SLC25A21: variants seen among roughly 807,000 people sequenced by gnomAD.
SLC25A21 encodes the protein mitochondrial 2-oxodicarboxylate carrier.
Under a neutral mutation model 43.8 loss-of-function variants are expected in SLC25A21, and 47 were observed. The observed-to-expected ratio is 1.07, with a 90% CI of 0.85 to 1.37. The LOEUF is 1.37. SLC25A21 is among the 40% of genes most tolerant of loss of function. The pLI, the probability that SLC25A21 is intolerant of heterozygous loss-of-function variation, is 0.00. For synonymous variants in SLC25A21, 131 were observed against 121.3 expected, an observed-to-expected ratio of 1.08 and a Z score of -0.52; for missense variants, 352 against 350.2, an observed-to-expected ratio of 1.00 and a Z score of -0.04.
chr14:37,130,696 C>T (rs1877792525), intron 1 of SLC25A21, among the ~76,000 whole-genome samples: 2 of 152,204 alleles, frequency 1.3e-5, no homozygotes, highest in South Asian at 4.1e-4. Context: ...GACTTACAGC[C>T]AGAGAAGATC....
At position 36,711,375 on chromosome 14, in the gene SLC25A21, G is replaced by T; in HGVS notation, c.546C>A (p.Phe182Leu). The part of the protein sequence containing the change: ...LTATLGRHGV[F>L]NMVYFGFYYN... Reference sequence around the variant, plus strand: ...AGTAGAAGCCAAAATAAACCATGTTGAAAACTCCATGTCGTCCCAAAGTTG... The same window carrying T: ...AGTAGAAGCCAAAATAAACCATGTTTAAAACTCCATGTCGTCCCAAAGTTG... The change falls in exon 7 of 10, where the codon TTC becomes TTA. Residue 182 changes from phenylalanine (F) to leucine (L), a missense_variant. Phe to Leu is a conservative substitution (Grantham distance 22). Transcript: ENST00000331299. 1 of 1,614,080 alleles carries T rather than the reference G, an allele frequency of 6.2e-7. No homozygotes were observed. Among genetic ancestry groups the T allele is most frequent in the South Asian group, 1.1e-5 (1 of 91,068 alleles).
intron 7 of SLC25A21, among the ~76,000 whole-genome samples, chr14:36,691,776 T>C (rs1390664751): frequency 6.6e-6 from 1 of 152,240 alleles, no homozygotes; most frequent in Non-Finnish European, 1.5e-5. Flanking sequence ...TTTTTAAATA[T>C]TTATTTATAA....
chr14:36,954,797 T>C (rs1050189019), intron 1 of SLC25A21, among the ~76,000 whole-genome samples: 5 of 152,140 alleles, frequency 3.3e-5, no homozygotes, highest in Non-Finnish European at 7.4e-5. Flanking sequence ...TTCCTCTACC[T>C]TTCTTCATTT....
At chr14:36,897,158 C>T (rs536562027) in intron 1 of SLC25A21, among the ~76,000 whole-genome samples, 15 of 152,180 alleles carry the variant, frequency 9.9e-5, no homozygotes, top group Non-Finnish European at 1.6e-4. Flanking sequence ...CCATTCTCCC[C>T]ATCACTTTCA....
At chr14:37,123,300 C>T (rs1180281053) in intron 1 of SLC25A21, among the ~76,000 whole-genome samples, 2 of 152,124 alleles carry the variant, frequency 1.3e-5, no homozygotes, top group African/African-American at 4.8e-5. Flanking sequence ...TCCGATTCCT[C>T]GATTTCAGTC....
At chr14:36,991,784 C>A (rs1447908902) in intron 1 of SLC25A21, among the ~76,000 whole-genome samples, 2 of 152,168 alleles carry the variant, frequency 1.3e-5, no homozygotes, top group African/African-American at 2.4e-5. Context: ...CTAACCTGGG[C>A]TGTTCATGCT....
chr14:36,935,724 T>C (rs1892406354), intron 1 of SLC25A21, among the ~76,000 whole-genome samples: 1 of 152,164 alleles, frequency 6.6e-6, no homozygotes. Context: ...ATGGGCATCT[T>C]TCAAGTACTA....
At chr14:37,059,606 C>T (rs1439047910) in intron 1 of SLC25A21, among the ~76,000 whole-genome samples, 1 of 152,086 alleles carries the variant, frequency 6.6e-6, no homozygotes, top group Non-Finnish European at 1.5e-5. Flanking sequence ...AACAAACAAA[C>T]AAACAACAAC....
intron 3 of SLC25A21, among the ~76,000 whole-genome samples, chr14:36,789,476 A>G (rs1206638394): frequency 6.6e-6 from 1 of 151,772 alleles, no homozygotes; most frequent in Non-Finnish European, 1.5e-5. Flanking sequence ...TTTCGTTATC[A>G]CCTTTCTCTC....
intron 3 of SLC25A21, among the ~76,000 whole-genome samples, chr14:36,767,043 T>A (rs1473077138): frequency 6.6e-6 from 1 of 152,236 alleles, no homozygotes; most frequent in African/African-American, 2.4e-5. Context: ...AATTATGACA[T>A]AATATCAGGC....
chr14:37,022,079 A>G (rs1045514976), intron 1 of SLC25A21, among the ~76,000 whole-genome samples: 3 of 151,782 alleles, frequency 2.0e-5, no homozygotes, highest in African/African-American at 7.2e-5. Flanking sequence ...ACGAGGATTC[A>G]TATGCCTTTA....
intron 1 of SLC25A21, among the ~76,000 whole-genome samples, chr14:37,099,839 G>A (rs1261798805): frequency 1.3e-5 from 2 of 151,864 alleles, no homozygotes; most frequent in Non-Finnish European, 2.9e-5. Flanking sequence ...AAATCATATG[G>A]GTGGTAAGAA....
Position 36,971,532 on chromosome 14 carries a change from C to T in SLC25A21, c.71-96528G>A, listed in dbSNP as rs117578423. Among the ~76,000 whole-genome samples, 38 of 152,138 alleles carry T rather than the reference C, an allele frequency of 2.5e-4. No individual in the cohort carries two copies. In the East Asian group the frequency reaches 6.6e-3, roughly 26 times the overall value. On this transcript the variant is annotated intron_variant, in intron 1 of 9. Coordinates refer to ENST00000331299, the MANE Select transcript of SLC25A21 (RefSeq NM_030631.4). Reference sequence around the variant, plus strand: ...TATCAGACCTGGTCAAGCCAATCTGCGGGCCCTAGATAAACCAGACACCAC... The same window carrying T: ...TATCAGACCTGGTCAAGCCAATCTGTGGGCCCTAGATAAACCAGACACCAC...
At chr14:36,724,220 A>T (rs1884492675) in intron 6 of SLC25A21, among the ~76,000 whole-genome samples, 1 of 152,208 alleles carries the variant, frequency 6.6e-6, no homozygotes, top group Non-Finnish European at 1.5e-5. Flanking sequence ...AATGTAAAAA[A>T]AATTCCCCCT....
intron 1 of SLC25A21, among the ~76,000 whole-genome samples, chr14:36,894,408 G>C (rs868005497): frequency 6.6e-6 from 1 of 152,208 alleles, no homozygotes; most frequent in Non-Finnish European, 1.5e-5. Flanking sequence ...AGATTTTGCT[G>C]AATTTGCCTA....
intron 1 of SLC25A21, among the ~76,000 whole-genome samples, chr14:37,143,653 G>T (rs1029992932): frequency 6.6e-6 from 1 of 151,700 alleles, no homozygotes; most frequent in Non-Finnish European, 1.5e-5. Context: ...AGTATGAAAG[G>T]GGAAGAAGGC....
At chr14:36,743,752 G>A (rs1885374134) in intron 3 of SLC25A21, among the ~76,000 whole-genome samples, 1 of 152,090 alleles carries the variant, frequency 6.6e-6, no homozygotes, top group African/African-American at 2.4e-5. Context: ...ATTGGAAAAG[G>A]AAGTCAAATG....
intron 1 of SLC25A21, among the ~76,000 whole-genome samples, chr14:37,087,742 A>T (rs377442552): frequency 6.6e-6 from 1 of 152,334 alleles, no homozygotes. Flanking sequence ...GACAACCATG[A>T]GTGAGTCTGT....
chr14:37,099,658 T>G (rs971727045), intron 1 of SLC25A21, among the ~76,000 whole-genome samples: 5 of 152,180 alleles, frequency 3.3e-5, no homozygotes, highest in Non-Finnish European at 7.3e-5. Context: ...CTTTCTTTTA[T>G]TTATAGAATA....
Sources: gnomAD v4.1 joint callset for allele counts (sites outside exome capture counted in the v4.1 genomes callset) on GRCh38, gnomAD v4.1.1 for gene constraint, MANE v1.5 for transcripts, NCBI Gene and HGNC (gene_info 2026-07-23, HGNC 2026-07-21) for gene names.